WDR59: variants seen among roughly 807,000 people sequenced by gnomAD.
WDR59 encodes the protein GATOR2 complex protein WDR59.
WDR59 carries 100 observed loss-of-function variants against 131.2 expected under a neutral mutation model. The observed-to-expected ratio is 0.76, with a 90% confidence interval of 0.65 to 0.90. The LOEUF (loss-of-function observed/expected upper bound fraction) is 0.90, where lower values mean the gene tolerates loss of function less well. WDR59 is among the 40% of genes least tolerant of loss of function. The probability of loss-of-function intolerance (pLI) is 0.00; values close to 1 mark genes in which losing one functional copy is unlikely to be tolerated. For missense variants in WDR59, 1,203 were observed against 1,262.2 expected (o/e 0.95, Z 0.71); for synonymous variants, 601 against 466.2 (o/e 1.29, Z -3.72).
At chr16:74,984,647 C>G (rs1043748506) in intron 1 of WDR59, 2 of 398,866 alleles carry the variant, frequency 5.0e-6, no homozygotes, top group Non-Finnish European at 9.2e-6. Flanking sequence ...GCCGTCACGC[C>G]CTCGCTCCGT....
chr16:74,983,705 G>A (rs2034514115), intron 1 of WDR59, among the ~76,000 whole-genome samples: 1 of 152,066 alleles, frequency 6.6e-6, no homozygotes, highest in Non-Finnish European at 1.5e-5. Flanking sequence ...GCTGTGCTCA[G>A]TGAATCACAC....
chr16:74,958,296 G>C (rs890733920), intron 2 of WDR59, among the ~76,000 whole-genome samples: 2 of 152,004 alleles, frequency 1.3e-5, no homozygotes, highest in African/African-American at 4.8e-5. Context: ...TTGATCTAAA[G>C]AAAGCTAAAT....
At chr16:74,953,417 G>A (rs2033115320) in intron 3 of WDR59, among the ~76,000 whole-genome samples, 1 of 147,966 alleles carries the variant, frequency 6.8e-6, no homozygotes, top group Non-Finnish European at 1.5e-5. Context: ...AGGCTGCAAT[G>A]AACTGAGATG....
Position 74,985,101 on chromosome 16 carries a change from A to G in WDR59, c.-84T>C, listed in dbSNP as rs1597837449. On this transcript the variant is annotated 5_prime_UTR_variant, in exon 1 of 26. Coordinates refer to ENST00000262144, the MANE Select transcript of WDR59 (RefSeq NM_030581.4). ...TATCCCGGGACCGTGCGCCCCACAC[A>G]GCCAGAGAATCAGCCCCGACACGCC... The G allele has an allele frequency of 7.3e-7, 1 of 1,376,438 alleles. No homozygotes were observed. Among genetic ancestry groups the G allele is most frequent in the East Asian group, 2.5e-5 (1 of 39,932 alleles). The allele number at this position is 1,376,438 out of a possible 1,614,324, so 85.3% of individuals were successfully genotyped here. A position where few individuals can be genotyped will look rare whatever the true frequency, so the allele number is the denominator to read the frequency against.
intron 13 of WDR59, chr16:74,915,647 T>C: frequency 6.6e-6 from 3 of 455,358 alleles, no homozygotes; most frequent in Non-Finnish European, 1.2e-5. Flanking sequence ...AACTCCTGGC[T>C]TCCTGGTTTC....
chr16:74,892,370 G>T, intron 20 of WDR59, 114 bp downstream of exon 20: 1 of 941,052 alleles, frequency 1.1e-6, no homozygotes, highest in Non-Finnish European at 1.6e-6. Context: ...AATGGAAAAT[G>T]AATTCCAAAT....
chr16:74,912,015 C>A, intron 14 of WDR59, 183 bp downstream of exon 14: 3 of 733,882 alleles, frequency 4.1e-6, no homozygotes, highest in Non-Finnish European at 6.5e-6. Context: ...GGTTAAGAAC[C>A]ACTGCTCTGA....
In WDR59 at chr16:74,908,894, T is replaced by C. The variant is rs771445945; in HGVS notation, c.1712+14A>G. ...CCGGGAACGTAGAGCGGCTTCTGCA[T>C]CTCCCTGACTCACCTCGGAGTAGGC... On this transcript the variant is annotated intron_variant, in intron 17 of 25. Coordinates refer to ENST00000262144, the MANE Select transcript of WDR59 (RefSeq NM_030581.4). 1.2e-6 allele frequency: 2 copies of C among 1,613,204 alleles called. No homozygotes were observed. The highest frequency in any genetic ancestry group is 2.2e-5 in the South Asian group (2 of 90,958).
chr16:74,944,610 G>T (rs2032476440), intron 6 of WDR59, among the ~76,000 whole-genome samples: 1 of 151,886 alleles, frequency 6.6e-6, no homozygotes, highest in Non-Finnish European at 1.5e-5. Flanking sequence ...GAGAGATGGG[G>T]ACCACAGGCT....
chr16:74,941,602 G>A (rs1291078137), intron 7 of WDR59, among the ~76,000 whole-genome samples: 2 of 151,662 alleles, frequency 1.3e-5, no homozygotes, highest in African/African-American at 2.4e-5. Flanking sequence ...GCTGAGGCAG[G>A]AGAATTGCTT....
chr16:74,907,921 G>T (rs1394936906), intron 17 of WDR59, among the ~76,000 whole-genome samples: 1 of 152,152 alleles, frequency 6.6e-6, no homozygotes, highest in Non-Finnish European at 1.5e-5. Flanking sequence ...CTTGCCCAAG[G>T]TCATAAAATG....
At chr16:74,956,133 A>T (rs1163637466) in intron 3 of WDR59, among the ~76,000 whole-genome samples, 2 of 152,130 alleles carry the variant, frequency 1.3e-5, no homozygotes, top group Admixed American at 1.3e-4. Flanking sequence ...TACCCTCCTT[A>T]GAATGTCTTT....
chr16:74,892,969 T>C (rs1293111388), intron 19 of WDR59, among the ~76,000 whole-genome samples: 2 of 152,230 alleles, frequency 1.3e-5, no homozygotes, highest in Admixed American at 1.3e-4. Context: ...GGAAACACTT[T>C]CTGTTATGAG....
At chr16:74,981,654 A>T (rs1259258110) in intron 1 of WDR59, among the ~76,000 whole-genome samples, 5,275 of 10,422 alleles carry the variant, frequency 0.51, 859 homozygotes, top group Middle Eastern at 0.58. Context: ...ATATATATAT[A>T]TATATATTTT....
rs1366989718 is a variant in WDR59 at position 74,942,791 on chromosome 16, C to A, written c.481G>T (p.Ala161Ser). 6.2e-7 allele frequency: 1 copy of A among 1,611,892 alleles called. No homozygotes were observed. Among genetic ancestry groups the A allele is most frequent in the Non-Finnish European group, 8.5e-7 (1 of 1,179,536 alleles). Residue 161 changes from alanine (A) to serine (S), a missense_variant, in exon 7 of 26, where the codon GCT becomes TCT. By Grantham distance (99) the Ala-to-Ser change is moderately conservative. Transcript: ENST00000262144. Reference sequence around the variant, plus strand: ...TCATGGCTGGTGGCAAGGCAGTTAGCATTTTTTTTATTCCATTTGACCTGG... The same window carrying A: ...TCATGGCTGGTGGCAAGGCAGTTAGAATTTTTTTTATTCCATTTGACCTGG... ...ASQVKWNKKN[A>S]NCLATSHDGD...
At chr16:74,951,225 G>A (rs1357845378) in intron 4 of WDR59, among the ~76,000 whole-genome samples, 2 of 151,712 alleles carry the variant, frequency 1.3e-5, no homozygotes, top group Admixed American at 1.3e-4. Context: ...TATCCATCCG[G>A]GATATGGTCT....
chr16:74,896,575 C>G (rs1397098875), intron 18 of WDR59, among the ~76,000 whole-genome samples: 1 of 151,234 alleles, frequency 6.6e-6, no homozygotes, highest in Non-Finnish European at 1.5e-5. Flanking sequence ...GCAGAAGTTG[C>G]AGTGAGCTGA....
At chr16:74,950,202 C>T (rs1030192320) in intron 4 of WDR59, among the ~76,000 whole-genome samples, 20 of 152,198 alleles carry the variant, frequency 1.3e-4, no homozygotes, top group African/African-American at 3.4e-4. Context: ...ATTAGCCAGG[C>T]GTGGTGGCAC....
intron 8 of WDR59, among the ~76,000 whole-genome samples, chr16:74,930,553 T>C (rs1472538250): frequency 6.6e-6 from 1 of 152,026 alleles, no homozygotes; most frequent in African/African-American, 2.4e-5. Flanking sequence ...TTCCAGTACC[T>C]TGAAACAAAC....
Sources: gnomAD v4.1 joint callset for allele counts (sites outside exome capture counted in the v4.1 genomes callset) on GRCh38, gnomAD v4.1.1 for gene constraint, MANE v1.5 for transcripts, NCBI Gene and HGNC (gene_info 2026-07-23, HGNC 2026-07-21) for gene names.